CHCHD3: variants seen among roughly 807,000 people sequenced by gnomAD.
The protein encoded by CHCHD3 is coiled-coil-helix-coiled-coil-helix domain containing 3.
In CHCHD3, 20 loss-of-function variants were observed where a neutral mutation model predicts 38.2. That is an observed-to-expected ratio of 0.52 (90% CI 0.37 to 0.76). CHCHD3 has a LOEUF of 0.76. Ranked by LOEUF, CHCHD3 falls within the 30% of genes least tolerant of loss-of-function variation. The pLI is 0.00. For missense variants in CHCHD3, 245 were observed against 279.2 expected, an observed-to-expected ratio of 0.88 and a Z score of 0.87; for synonymous variants, 82 against 100.0, an observed-to-expected ratio of 0.82 and a Z score of 1.07.
At chr7:132,854,513 C>T (rs1302303485) in intron 5 of CHCHD3, among the ~76,000 whole-genome samples, 1 of 152,112 alleles carries the variant, frequency 6.6e-6, no homozygotes, top group Non-Finnish European at 1.5e-5. Context: ...AAAATCTACC[C>T]TTTTGGCACA....
At chr7:133,000,610 GT>G (rs1193332181) in intron 3 of CHCHD3, among the ~76,000 whole-genome samples, 10 of 152,090 alleles carry the variant, frequency 6.6e-5, no homozygotes, top group Non-Finnish European at 1.3e-4. Context: ...ATTGTCTTAT[GT>G]TTAAATATAT....
At chr7:133,081,775 C>T (rs1380825891) in intron 1 of CHCHD3, 82 bp downstream of exon 1, 1 of 1,422,030 alleles carries the variant, frequency 7.0e-7, no homozygotes, top group African/African-American at 1.4e-5. Context: ...CGGGAGAAAC[C>T]CAGGCTGAGC....
At chr7:132,965,894 A>T (rs1178958664) in intron 4 of CHCHD3, among the ~76,000 whole-genome samples, 1 of 152,206 alleles carries the variant, frequency 6.6e-6, no homozygotes, top group Non-Finnish European at 1.5e-5. Context: ...AGATGGAAGA[A>T]GGGGGAAAAG....
At chr7:132,931,409 G>A (rs1258854894) in intron 4 of CHCHD3, among the ~76,000 whole-genome samples, 1 of 152,180 alleles carries the variant, frequency 6.6e-6, no homozygotes, top group Admixed American at 6.5e-5. Context: ...TGCTATAAAT[G>A]ATGAAGTACT....
chr7:132,969,495 C>T (rs6971707), intron 4 of CHCHD3, among the ~76,000 whole-genome samples: 30,782 of 152,108 alleles, frequency 0.2, 3,384 homozygotes, highest in South Asian at 0.25. Context: ...TCAGACTTCA[C>T]GCTATGCTTA....
intron 5 of CHCHD3, among the ~76,000 whole-genome samples, chr7:132,854,534 A>C (rs1435175625): frequency 6.6e-6 from 1 of 152,212 alleles, no homozygotes; most frequent in Non-Finnish European, 1.5e-5. Context: ...GTACAAACCT[A>C]TGCAACCACA....
At chr7:132,949,850 A>G (rs1028315776) in intron 4 of CHCHD3, among the ~76,000 whole-genome samples, 2 of 152,180 alleles carry the variant, frequency 1.3e-5, no homozygotes, top group Non-Finnish European at 2.9e-5. Context: ...GGCTACAAAG[A>G]TCATTGTAGA....
chr7:132,880,288 C>T (rs1176602692), intron 5 of CHCHD3, among the ~76,000 whole-genome samples: 1 of 152,128 alleles, frequency 6.6e-6, no homozygotes, highest in East Asian at 1.9e-4. Context: ...TTCACCTAAA[C>T]AATAGGGCGC....
At chr7:133,022,337 G>C (rs1428557748) in intron 3 of CHCHD3, 1 of 455,968 alleles carries the variant, frequency 2.2e-6, no homozygotes, top group African/African-American at 2.0e-5. Flanking sequence ...ATGAGTAACA[G>C]TACAAAGGCA....
chr7:132,881,812 G>C (rs888900178), intron 5 of CHCHD3, among the ~76,000 whole-genome samples: 2 of 152,100 alleles, frequency 1.3e-5, no homozygotes, highest in African/African-American at 4.8e-5. Context: ...GAAATAGTTA[G>C]ACATTGTAAT....
chr7:132,924,796 A>G (rs1810337625), intron 4 of CHCHD3, among the ~76,000 whole-genome samples: 1 of 152,206 alleles, frequency 6.6e-6, no homozygotes, highest in Non-Finnish European at 1.5e-5. Flanking sequence ...CCAAATTTCC[A>G]GCTCTTTCAC....
At chr7:132,843,649 A>C (rs1226066258) in intron 5 of CHCHD3, among the ~76,000 whole-genome samples, 1 of 152,174 alleles carries the variant, frequency 6.6e-6, no homozygotes, top group Non-Finnish European at 1.5e-5. Context: ...GGGTACTGAG[A>C]GGTAGGAGCA....
intron 4 of CHCHD3, chr7:132,972,546 C>G: frequency 1.0e-6 from 1 of 968,116 alleles, no homozygotes; most frequent in Non-Finnish European, 1.2e-6. Flanking sequence ...TGTATGTCTT[C>G]CATAATAATA....
intron 5 of CHCHD3, among the ~76,000 whole-genome samples, chr7:132,843,619 A>C (rs1379139824): frequency 6.6e-6 from 1 of 152,190 alleles, no homozygotes. Context: ...TAGCAACACC[A>C]CAATGTTCCT....
At chr7:132,886,673 CAT>C (rs1036107295) in intron 4 of CHCHD3, among the ~76,000 whole-genome samples, 19 of 148,112 alleles carry the variant, frequency 1.3e-4, no homozygotes, top group African/African-American at 3.5e-4. Flanking sequence ...TGTATATATA[CAT>C]ATATATACAC....
chr7:133,036,400 T>C (rs1478532859), intron 2 of CHCHD3, among the ~76,000 whole-genome samples: 1 of 152,212 alleles, frequency 6.6e-6, no homozygotes, highest in East Asian at 1.9e-4. Flanking sequence ...TAAATTTATA[T>C]GCATTTCAAA....
intron 4 of CHCHD3, among the ~76,000 whole-genome samples, chr7:132,962,785 A>G (rs1394609066): frequency 6.6e-6 from 1 of 152,212 alleles, no homozygotes; most frequent in African/African-American, 2.4e-5. Flanking sequence ...TCTTCTTACT[A>G]AAACTCTAGC....
intron 5 of CHCHD3, among the ~76,000 whole-genome samples, chr7:132,883,860 C>G (rs1457117852): frequency 6.6e-6 from 1 of 152,142 alleles, no homozygotes; most frequent in East Asian, 1.9e-4. Context: ...AATCAAACTC[C>G]TGATTTCCTC....
intron 4 of CHCHD3, among the ~76,000 whole-genome samples, chr7:132,942,541 A>G (rs531179427): frequency 5.3e-5 from 8 of 152,298 alleles, no homozygotes; most frequent in African/African-American, 1.9e-4. Flanking sequence ...AACAGAACCC[A>G]CTGTAATTTT....
Sources: gnomAD v4.1 joint callset for allele counts (sites outside exome capture counted in the v4.1 genomes callset) on GRCh38, gnomAD v4.1.1 for gene constraint, MANE v1.5 for transcripts, NCBI Gene and HGNC (gene_info 2026-07-23, HGNC 2026-07-21) for gene names.